The following NID1 variants were observed in gnomAD, a reference collection of about 807,000 sequenced individuals.
NID1 encodes the protein nidogen 1.
Under a neutral mutation model 130.6 loss-of-function variants are expected in NID1, and 76 were observed. That is an observed-to-expected ratio of 0.58 (90% confidence interval 0.48 to 0.70). The LOEUF is 0.70. Ranked by LOEUF, NID1 falls within the 30% of genes least tolerant of loss-of-function variation. NID1 has a pLI of 0.00. For missense variants in NID1, 1,517 were observed against 1,664.8 expected (o/e 0.91, Z 1.54); for synonymous variants, 665 against 675.1 (o/e 0.98, Z 0.23).
At chr1:236,063,153 C>CAAAAAAAAAAAAAAA (rs57769010) in intron 1 of NID1, among the ~76,000 whole-genome samples, 1 of 79,708 alleles carries the variant, frequency 1.3e-5, no homozygotes, top group African/African-American at 6.4e-5. Flanking sequence ...GACTTCATCT[C>CAAAAAAAAAAAAAAA]AAAAAAAAAA....
At chr1:235,992,406 C>G (rs916945908) in intron 13 of NID1, among the ~76,000 whole-genome samples, 2 of 152,222 alleles carry the variant, frequency 1.3e-5, no homozygotes, top group East Asian at 3.8e-4. Flanking sequence ...CCCCCACAGC[C>G]AGTGATATTC....
intron 10 of NID1, among the ~76,000 whole-genome samples, chr1:236,014,559 C>T (rs1055307885): frequency 6.6e-6 from 1 of 152,204 alleles, no homozygotes; most frequent in African/African-American, 2.4e-5. Context: ...GCCTCTGTGA[C>T]ACTCACCTCC....
At chr1:236,048,606 G>A in intron 2 of NID1, 84 bp downstream of exon 2, 1 of 1,437,866 alleles carries the variant, frequency 7.0e-7, no homozygotes, top group Non-Finnish European at 9.3e-7. Flanking sequence ...TATAACTTAT[G>A]TCAAAGCAGC....
intron 12 of NID1, among the ~76,000 whole-genome samples, chr1:236,003,514 A>G (rs1034683562): frequency 6.6e-6 from 1 of 152,200 alleles, no homozygotes; most frequent in Non-Finnish European, 1.5e-5. Context: ...TGTCCTGGAT[A>G]CCAAATGAAG....
At chr1:235,984,508 G>C (rs1296680463) in intron 15 of NID1, among the ~76,000 whole-genome samples, 1 of 152,160 alleles carries the variant, frequency 6.6e-6, no homozygotes, top group African/African-American at 2.4e-5. Flanking sequence ...ACTACATTCA[G>C]TGCCAAGTAA....
chr1:236,056,421 T>C (rs552251713), intron 1 of NID1, among the ~76,000 whole-genome samples: 5 of 152,248 alleles, frequency 3.3e-5, no homozygotes, highest in Non-Finnish European at 5.9e-5. Flanking sequence ...ATACATACAA[T>C]GTGTAATGAT....
intron 12 of NID1, among the ~76,000 whole-genome samples, chr1:236,008,301 GT>G (rs1257578730): frequency 6.6e-6 from 1 of 152,122 alleles, no homozygotes; most frequent in Non-Finnish European, 1.5e-5. Flanking sequence ...TCTGTCATCA[GT>G]TGACATTTCA....
rs138286804 is a variant in NID1, at chr1:235,981,622, A to C, written c.3216T>G (p.Asp1072Glu). The C allele has an allele frequency of 1.5e-5, 24 of 1,612,170 alleles. No individual in the cohort carries two copies. Among genetic ancestry groups the C allele is most frequent in the Non-Finnish European group, 2.0e-5 (23 of 1,179,408 alleles). ...DLVNPRGIVT[D>E]SVRGNLYWTD... Reference sequence around the variant, plus strand: ...TTACACAAAGATACCCTCTCACGGAATCCGTTACAATGCCTCTGGGATTCA... The same window carrying C: ...TTACACAAAGATACCCTCTCACGGACTCCGTTACAATGCCTCTGGGATTCA... The change falls in exon 16 of 20, where the codon GAT (aspartate) becomes GAG (glutamate). Residue 1072 changes from aspartate to glutamate, a missense_variant. Physicochemically the swap from Asp to Glu is conservative, Grantham distance 45 (BLOSUM62 2). Transcript: ENST00000264187.
At chr1:236,001,516 G>A (rs947508457) in intron 12 of NID1, among the ~76,000 whole-genome samples, 1 of 152,178 alleles carries the variant, frequency 6.6e-6, no homozygotes, top group East Asian at 1.9e-4. Flanking sequence ...ACAAGTCAAG[G>A]GGGCAATGTC....
chr1:236,050,876 G>A (rs1232176639), intron 1 of NID1, among the ~76,000 whole-genome samples: 1 of 152,098 alleles, frequency 6.6e-6, no homozygotes, highest in Non-Finnish European at 1.5e-5. Flanking sequence ...CCAGGAGTTC[G>A]AGACCAGCCT....
intron 6 of NID1, among the ~76,000 whole-genome samples, chr1:236,032,129 G>A (rs999148288): frequency 1.3e-5 from 2 of 152,134 alleles, no homozygotes; most frequent in Admixed American, 1.3e-4. Flanking sequence ...TGCCAGAAAC[G>A]CCTAAATCTC....
chr1:236,038,750 GTTATATAGGTCATATATAATATATATT>G lies in NID1; in HGVS notation c.1136-524_1136-498del, dbSNP rs1572612454. ...GTCATATATAATATATATTACCTAT[GTTATATAGGTCATATATAATATATATT>G]ACCTATGCTATATAGGTCATATATA... is the stretch of plus-strand genomic sequence containing the variant. On this transcript the variant is annotated intron_variant, in intron 4 of 19. Transcript: ENST00000264187. 6.9e-5 allele frequency among the ~76,000 whole-genome samples: 7 copies of G among 100,870 alleles called. 1 individual carries two copies. In the East Asian group the frequency reaches 3.1e-3, roughly 45 times the overall value. 66.2% of individuals were successfully genotyped at this position (100,870 alleles called of 152,430 possible).
At position 236,048,680 on chromosome 1, in the gene NID1, G is replaced by T; in HGVS notation, c.525+10C>A. Reference sequence around the variant, plus strand: ...TGATTACCTGCACTTGGACCTGGAGGGGAGCTTACCTTGCCTTTCTGGTCT... The same window carrying T: ...TGATTACCTGCACTTGGACCTGGAGTGGAGCTTACCTTGCCTTTCTGGTCT... On this transcript the variant is annotated intron_variant, in intron 2 of 19. Coordinates refer to ENST00000264187, the MANE Select transcript of NID1 (RefSeq NM_002508.3). 1 of 1,605,708 alleles carries T rather than the reference G, an allele frequency of 6.2e-7. No homozygotes were observed.
chr1:236,064,446 G>A lies in NID1; in HGVS notation c.225+409C>T, dbSNP rs199846287. On this transcript the variant is annotated intron_variant, in intron 1 of 19. Transcript: ENST00000264187. The stretch of plus-strand genomic sequence containing the variant: ...CGCGCGCAGACTGCGATCCAGCTCC[G>A]GCTCTTGCCCTGCGGAGGCTCCGCG... The A allele has an allele frequency of 1.2e-4, 24 of 200,402 alleles. No individual in the cohort carries two copies. In the East Asian group the frequency reaches 3.7e-3, roughly 31 times the overall value. The allele number at this position is 200,402 out of a possible 1,614,324, so 12.4% of individuals were successfully genotyped here.
At chr1:236,002,798 C>G (rs1440635556) in intron 12 of NID1, among the ~76,000 whole-genome samples, 1 of 152,144 alleles carries the variant, frequency 6.6e-6, no homozygotes, top group Non-Finnish European at 1.5e-5. Flanking sequence ...GTGAGAGTCA[C>G]AAGGGAAGGA....
intron 15 of NID1, among the ~76,000 whole-genome samples, chr1:235,982,683 T>A (rs1052099093): frequency 3.3e-5 from 5 of 152,132 alleles, no homozygotes; most frequent in African/African-American, 1.2e-4. Context: ...TACATTGGTG[T>A]TTTATTATAT....
At chr1:236,024,247 C>A in intron 8 of NID1, 34 bp from the exon 9 acceptor site, 1 of 1,609,602 alleles carries the variant, frequency 6.2e-7, no homozygotes, top group South Asian at 1.1e-5. Context: ...CCAAGTGAGT[C>A]TTCAGGAGCT....
At chr1:236,037,988 A>G (rs990251327) in intron 5 of NID1, 116 bp downstream of exon 5, 6 of 1,237,410 alleles carry the variant, frequency 4.8e-6, no homozygotes, top group Admixed American at 2.6e-5. Context: ...GGCTGCCATA[A>G]GAAAAACTCT....
chr1:236,021,398 C>G (rs539878963), intron 9 of NID1, among the ~76,000 whole-genome samples: 2 of 152,354 alleles, frequency 1.3e-5, no homozygotes, highest in African/African-American at 2.4e-5. Context: ...AAACATACAG[C>G]CTGCACTATG....
Sources: gnomAD v4.1 joint callset for allele counts (sites outside exome capture counted in the v4.1 genomes callset) on GRCh38, gnomAD v4.1.1 for gene constraint, MANE v1.5 for transcripts, NCBI Gene and HGNC (gene_info 2026-07-23, HGNC 2026-07-21) for gene names.